Variants in CNGB3 observed in about 807,000 individuals in gnomAD.
The protein encoded by CNGB3 is cyclic nucleotide gated channel subunit beta 3.
In CNGB3, 86 loss-of-function variants were observed where a neutral mutation model predicts 92.8. That is an observed-to-expected ratio of 0.93 (90% CI 0.78 to 1.11). The LOEUF is 1.11. Ranked by LOEUF, CNGB3 falls within the 50% of genes least tolerant of loss-of-function variation. The pLI, the probability that CNGB3 is intolerant of heterozygous loss-of-function variation, is 0.00. For missense variants in CNGB3, 1,026 were observed against 956.8 expected, an observed-to-expected ratio of 1.07 and a Z score of -0.95; for synonymous variants, 333 against 332.7, an observed-to-expected ratio of 1.00 and a Z score of -0.01.
chr8:86,648,200 G>A (rs1207513983), intron 7 of CNGB3, among the ~76,000 whole-genome samples: 2 of 151,162 alleles, frequency 1.3e-5, no homozygotes, highest in Middle Eastern at 6.8e-3. Context: ...GTTAAAATAC[G>A]TTTTAACAGT....
chr8:86,661,646 A>T, intron 6 of CNGB3: 1 of 840,364 alleles, frequency 1.2e-6, no homozygotes, highest in Non-Finnish European at 2.0e-6. Flanking sequence ...ACAGTGATTT[A>T]AGTATTTTAT....
At chr8:86,579,664 T>C (rs1157942945) in intron 15 of CNGB3, among the ~76,000 whole-genome samples, 1 of 152,218 alleles carries the variant, frequency 6.6e-6, no homozygotes, top group Non-Finnish European at 1.5e-5. Context: ...GGCTCAGCCA[T>C]TGGAAAAGAC....
chr8:86,691,653 AT>A (rs1824319049), intron 3 of CNGB3, among the ~76,000 whole-genome samples: 1 of 151,698 alleles, frequency 6.6e-6, no homozygotes, highest in African/African-American at 2.4e-5. Flanking sequence ...TGCTGTATTT[AT>A]TTTGTTTACT....
intron 3 of CNGB3, among the ~76,000 whole-genome samples, chr8:86,683,391 A>T (rs1280426997): frequency 6.6e-6 from 1 of 152,086 alleles, no homozygotes; most frequent in African/African-American, 2.4e-5. Flanking sequence ...ATGATTTTTG[A>T]CCTTCAAACC....
At chr8:86,651,769 T>C (rs1823408787) in intron 7 of CNGB3, among the ~76,000 whole-genome samples, 1 of 151,950 alleles carries the variant, frequency 6.6e-6, no homozygotes, top group South Asian at 2.1e-4. Flanking sequence ...CACTAAACCC[T>C]GTGCAAGACA....
At chr8:86,657,758 C>T in intron 6 of CNGB3, 1 of 479,524 alleles carries the variant, frequency 2.1e-6, no homozygotes, top group Non-Finnish European at 4.2e-6. Context: ...CCAGCAGCTC[C>T]AGCAGCTTCA....
At chr8:86,686,584 T>C (rs1824192409) in intron 3 of CNGB3, among the ~76,000 whole-genome samples, 1 of 152,074 alleles carries the variant, frequency 6.6e-6, no homozygotes, top group African/African-American at 2.4e-5. Context: ...CAAAACTGTG[T>C]AAGAATCCTT....
chr8:86,630,662 T>A (rs553849224), intron 11 of CNGB3, among the ~76,000 whole-genome samples: 1 of 152,090 alleles, frequency 6.6e-6, no homozygotes, highest in East Asian at 1.9e-4. Context: ...GGCCAAGAGG[T>A]CAAGACCAGC....
At chr8:86,696,945 A>T (rs1362084742) in intron 3 of CNGB3, among the ~76,000 whole-genome samples, 1 of 152,202 alleles carries the variant, frequency 6.6e-6, no homozygotes, top group Non-Finnish European at 1.5e-5. Context: ...TGCAACCCTC[A>T]TGATAAGCTC....
At chr8:86,613,185 G>A (rs1822552594) in intron 13 of CNGB3, among the ~76,000 whole-genome samples, 1 of 152,070 alleles carries the variant, frequency 6.6e-6, no homozygotes, top group Admixed American at 6.6e-5. Flanking sequence ...CTTTTCTTTG[G>A]CTGCTATGTA....
chr8:86,674,803 A>T (rs1823932574), intron 3 of CNGB3, among the ~76,000 whole-genome samples: 1 of 152,020 alleles, frequency 6.6e-6, no homozygotes, highest in Non-Finnish European at 1.5e-5. Flanking sequence ...CCCAGGCTGG[A>T]GTGCAGTGGT....
At chr8:86,742,360 A>G (rs1485332245) in intron 1 of CNGB3, among the ~76,000 whole-genome samples, 1 of 152,230 alleles carries the variant, frequency 6.6e-6, no homozygotes, top group Non-Finnish European at 1.5e-5. Flanking sequence ...AGAATTAGAA[A>G]GAAGTCAAGG....
intron 6 of CNGB3, chr8:86,661,820 ATTG>A (rs1563745348): frequency 2.0e-6 from 3 of 1,537,752 alleles, no homozygotes; most frequent in South Asian, 1.1e-5. Flanking sequence ...GACGAAGGTA[ATTG>A]TTGTTCTCAG....
rs1823747726 is a variant in CNGB3, at chr8:86,666,810, C to G, written c.852+115G>C. 3.6e-6 allele frequency: 3 copies of G among 837,284 alleles called. No individual in the cohort carries two copies. In the Admixed American group the frequency reaches 5.8e-5, roughly 16 times the overall value. 51.9% of individuals were successfully genotyped at this position (837,284 alleles called of 1,614,324 possible). On this transcript the variant is annotated intron_variant, in intron 6 of 17. Transcript: ENST00000320005. ...TGTTATTATTGCTCATGACTTCTTG[C>G]AATTATCCATGCAGATAGCCAGTCA...
intron 10 of CNGB3, among the ~76,000 whole-genome samples, chr8:86,635,936 G>A (rs1361381493): frequency 6.9e-6 from 1 of 144,650 alleles, no homozygotes; most frequent in Non-Finnish European, 1.5e-5. Context: ...AAAATATTTA[G>A]TATGAAAATA....
At chr8:86,668,928 A>G (rs1294304304) in intron 4 of CNGB3, among the ~76,000 whole-genome samples, 1 of 152,152 alleles carries the variant, frequency 6.6e-6, no homozygotes, top group East Asian at 1.9e-4. Context: ...CTGAGGCAAG[A>G]GGATCATTTA....
At chr8:86,693,901 C>G (rs1189388325) in intron 3 of CNGB3, among the ~76,000 whole-genome samples, 1 of 152,206 alleles carries the variant, frequency 6.6e-6, no homozygotes, top group Admixed American at 6.5e-5. Context: ...CACCCTTCCC[C>G]CCCTCTCCAT....
At chr8:86,662,778 CCTTTTTAAACCT>C (rs1406982697) in intron 6 of CNGB3, among the ~76,000 whole-genome samples, 3 of 152,132 alleles carry the variant, frequency 2.0e-5, no homozygotes, top group Non-Finnish European at 4.4e-5. Context: ...CTGTTTCCCC[CCTTTTTAAACCT>C]TTTCACACAA....
At chr8:86,717,746 T>G (rs528578731) in intron 3 of CNGB3, among the ~76,000 whole-genome samples, 2 of 152,256 alleles carry the variant, frequency 1.3e-5, no homozygotes, top group Admixed American at 6.5e-5. Context: ...TTCTTCAAGA[T>G]AGATCACATG....
Sources: allele counts gnomAD v4.1 joint callset (sites outside exome capture counted in the v4.1 genomes callset), GRCh38; gene constraint gnomAD v4.1.1; transcripts MANE v1.5; gene names NCBI Gene and HGNC (gene_info 2026-07-23, HGNC 2026-07-21).